Variants in PARD3B observed in about 807,000 individuals in gnomAD.
PARD3B encodes partitioning defective 3 homolog B.
In PARD3B, 103 loss-of-function variants were observed where a neutral mutation model predicts 130.2. The observed-to-expected ratio is 0.79, with a 90% CI of 0.67 to 0.93. PARD3B has a LOEUF of 0.93. Among genes scored for constraint, PARD3B ranks in the 40% least tolerant of loss-of-function variants. The pLI, the probability that PARD3B is intolerant of heterozygous loss-of-function variation, is 0.00. For synonymous variants in PARD3B, 583 were observed against 553.2 expected, an observed-to-expected ratio of 1.05 and a Z score of -0.76; for missense variants, 1,609 against 1,499.2, an observed-to-expected ratio of 1.07 and a Z score of -1.21.
intron 4 of PARD3B, among the ~76,000 whole-genome samples, chr2:205,081,762 A>G (rs1191842018): frequency 6.6e-6 from 1 of 152,080 alleles, no homozygotes. Context: ...TCTTTTGTAT[A>G]TATTGCTATG....
At chr2:204,694,788 A>G (rs1036137496) in intron 2 of PARD3B, among the ~76,000 whole-genome samples, 1 of 151,912 alleles carries the variant, frequency 6.6e-6, no homozygotes, top group Admixed American at 6.6e-5. Flanking sequence ...TATAGTGTGT[A>G]TGGGTGTATG....
At chr2:205,312,556 C>T (rs2042426606) in intron 18 of PARD3B, among the ~76,000 whole-genome samples, 1 of 152,176 alleles carries the variant, frequency 6.6e-6, no homozygotes, top group South Asian at 2.1e-4. Flanking sequence ...ATCCATTGTT[C>T]TCCATGGTTA....
At chr2:204,590,800 T>C (rs1172228004) in intron 1 of PARD3B, among the ~76,000 whole-genome samples, 2 of 152,248 alleles carry the variant, frequency 1.3e-5, no homozygotes, top group Non-Finnish European at 2.9e-5. Flanking sequence ...AGTCAAAATA[T>C]CTGACCTTCA....
chr2:204,947,215 C>T (rs780635327), intron 2 of PARD3B, among the ~76,000 whole-genome samples: 1 of 152,120 alleles, frequency 6.6e-6, no homozygotes, highest in Non-Finnish European at 1.5e-5. Context: ...TGATGCCAAA[C>T]AGTTGACTTA....
At chr2:204,852,700 G>T (rs931301124) in intron 2 of PARD3B, among the ~76,000 whole-genome samples, 1 of 152,114 alleles carries the variant, frequency 6.6e-6, no homozygotes, top group Non-Finnish European at 1.5e-5. Context: ...ATGCTCCAGA[G>T]TGTCTTGTTT....
At chr2:204,833,835 G>GT (rs1391046530) in intron 2 of PARD3B, among the ~76,000 whole-genome samples, 7 of 152,044 alleles carry the variant, frequency 4.6e-5, no homozygotes, top group Non-Finnish European at 1.0e-4. Context: ...CCTTTTCAGT[G>GT]TCTTACCATT....
At chr2:205,140,650 T>C (rs1339555977) in intron 10 of PARD3B, among the ~76,000 whole-genome samples, 1 of 152,152 alleles carries the variant, frequency 6.6e-6, no homozygotes, top group Non-Finnish European at 1.5e-5. Context: ...ATTTTTCTAA[T>C]AGATATTTTT....
Position 204,591,943 on chromosome 2 carries a change from A to T in PARD3B, c.120+45824A>T, listed in dbSNP as rs113717461. On this transcript the variant is annotated intron_variant, in intron 1 of 22. Transcript: ENST00000406610. ...TTTCCTTAACTTTTTAGTGTGCTAA[A>T]GTTGTCTTTTAAATATATGTATTTC... Among the ~76,000 whole-genome samples, 1,319 of 152,342 alleles carry T rather than the reference A, an allele frequency of 8.7e-3. 13 individuals are homozygous for T. Among genetic ancestry groups the T allele is most frequent in the African/African-American group, 0.031 (1,282 of 41,576 alleles).
chr2:204,823,523 A>G (rs1422439121), intron 2 of PARD3B, among the ~76,000 whole-genome samples: 1 of 152,136 alleles, frequency 6.6e-6, no homozygotes, highest in Non-Finnish European at 1.5e-5. Context: ...CATACAGGGT[A>G]AGAAATAGTA....
At chr2:205,318,027 G>C (rs1267069684) in intron 18 of PARD3B, among the ~76,000 whole-genome samples, 1 of 152,084 alleles carries the variant, frequency 6.6e-6, no homozygotes, top group Non-Finnish European at 1.5e-5. Flanking sequence ...AAAAAAGAAA[G>C]AGCTGGAGGG....
chr2:205,362,019 C>T (rs1450516192), intron 18 of PARD3B, among the ~76,000 whole-genome samples: 1 of 151,768 alleles, frequency 6.6e-6, no homozygotes, highest in Non-Finnish European at 1.5e-5. Context: ...TAGATTCAAA[C>T]AGCTAGACCT....
At chr2:204,988,580 C>G (rs558529202) in intron 3 of PARD3B, among the ~76,000 whole-genome samples, 6 of 152,126 alleles carry the variant, frequency 3.9e-5, no homozygotes, top group Non-Finnish European at 8.8e-5. Flanking sequence ...ATACCTGTAT[C>G]AAAACATCTC....
At chr2:204,709,715 C>T (rs996444648) in intron 2 of PARD3B, among the ~76,000 whole-genome samples, 1 of 152,140 alleles carries the variant, frequency 6.6e-6, no homozygotes, top group African/African-American at 2.4e-5. Flanking sequence ...AACACTGAGG[C>T]ATCTTAAGGT....
intron 21 of PARD3B, among the ~76,000 whole-genome samples, chr2:205,540,217 G>C (rs1401258539): frequency 1.3e-5 from 2 of 151,384 alleles, no homozygotes; most frequent in African/African-American, 4.9e-5. Flanking sequence ...TCTTGATTTT[G>C]CAAGAGCATA....
At chr2:205,505,082 C>T (rs1322022024) in intron 21 of PARD3B, among the ~76,000 whole-genome samples, 1 of 152,132 alleles carries the variant, frequency 6.6e-6, no homozygotes, top group Non-Finnish European at 1.5e-5. Context: ...GAGTTCATGT[C>T]GTTTGTAGGG....
chr2:205,507,221 TTTTTTTTTTTTG>T (rs2050405611), intron 21 of PARD3B, among the ~76,000 whole-genome samples: 1 of 124,420 alleles, frequency 8.0e-6, no homozygotes. Flanking sequence ...TTTTTTTTTT[TTTTTTTTTTTTG>T]AGACAGAGTC....
rs2041623849 is a variant in PARD3B, at chr2:205,291,946, C to T, written c.2186-8584C>T. On this transcript the variant is annotated intron_variant, in intron 16 of 22. Coordinates refer to ENST00000406610, the MANE Select transcript of PARD3B (RefSeq NM_001302769.2). This position sits in a 1 kb window ranked among gnomAD's most constrained non-coding sequence, Gnocchi z 4.6. ...TTCAGTGATCATCAGGACAATCCTTCCTACCAACAGGCCCAGAGTGCAAGG... is the reference window on the plus strand; with the variant it reads ...TTCAGTGATCATCAGGACAATCCTTTCTACCAACAGGCCCAGAGTGCAAGG... 6.6e-6 allele frequency among the ~76,000 whole-genome samples: 1 copy of T among 152,202 alleles called. No individual in the cohort carries two copies. The highest frequency in any genetic ancestry group is 1.5e-5 in the Non-Finnish European group (1 of 68,036).
At chr2:205,379,112 C>T (rs1444016362) in intron 18 of PARD3B, among the ~76,000 whole-genome samples, 1 of 152,076 alleles carries the variant, frequency 6.6e-6, no homozygotes, top group Admixed American at 6.6e-5. Flanking sequence ...TACTGATTCT[C>T]ACAGACTTTG....
rs775625754 is a variant in PARD3B at position 205,352,580 on chromosome 2, C to T, written c.2631-48433C>T. On this transcript the variant is annotated intron_variant, in intron 18 of 22. Coordinates refer to ENST00000406610, the MANE Select transcript of PARD3B (RefSeq NM_001302769.2). This position sits in a 1 kb window ranked among gnomAD's most constrained non-coding sequence, Gnocchi z 5.2. ...ATATCACCTTCAATTTAATATTTCA[C>T]GAGAAATAGAAGGCACGAAATAACC... is the stretch of plus-strand genomic sequence containing the variant. Among the ~76,000 whole-genome samples the T allele has an allele frequency of 5.9e-5, 9 of 152,114 alleles. No individual in the cohort carries two copies. The highest frequency in any genetic ancestry group is 2.1e-4 in the South Asian group (1 of 4,826).
Sources: allele counts gnomAD v4.1 joint callset (sites outside exome capture counted in the v4.1 genomes callset), GRCh38; gene constraint gnomAD v4.1.1; non-coding constraint Gnocchi (gnomAD v3.1); transcripts MANE v1.5; gene names NCBI Gene and HGNC (gene_info 2026-07-23, HGNC 2026-07-21).